Variants in LRRTM4 observed in about 807,000 individuals in gnomAD.
LRRTM4 encodes leucine rich repeat transmembrane neuronal 4, also known as leucine-rich repeat transmembrane neuronal protein 4.
In LRRTM4, 25 loss-of-function variants were observed where a neutral mutation model predicts 47.6. That is an observed-to-expected ratio of 0.53 (90% CI 0.38 to 0.73). LRRTM4 has a LOEUF of 0.73. Ranked by LOEUF, LRRTM4 falls within the 30% of genes least tolerant of loss-of-function variation. The pLI, the probability that LRRTM4 is intolerant of heterozygous loss-of-function variation, is 0.00. For synonymous variants in LRRTM4, 311 were observed against 269.5 expected, an observed-to-expected ratio of 1.15 and a Z score of -1.51; for missense variants, 638 against 713.4, an observed-to-expected ratio of 0.89 and a Z score of 1.20.
At chr2:77,265,272 C>T (rs898770571) in intron 3 of LRRTM4, among the ~76,000 whole-genome samples, 6 of 151,922 alleles carry the variant, frequency 3.9e-5, no homozygotes, top group Non-Finnish European at 8.8e-5. Flanking sequence ...TGAATGTGTC[C>T]CCAAAGTTCG....
At position 77,284,647 on chromosome 2, in the gene LRRTM4, A is replaced by C. The variant is rs191463617; in HGVS notation, c.1551+233671T>G. ...TGCAGGTAATTAAGTAATTTTTCTT[A>C]AGATCAACTAGAAGTTAGTGATGGA... On this transcript the variant is annotated intron_variant, in intron 3 of 3. Transcript: ENST00000409884. 4.0e-3 allele frequency among the ~76,000 whole-genome samples: 609 copies of C among 152,226 alleles called. 3 individuals are homozygous for C. The highest frequency in any genetic ancestry group is 0.014 in the African/African-American group (568 of 41,562).
intron 3 of LRRTM4, chr2:77,009,260 T>TA (rs1350814069): frequency 6.6e-6 from 1 of 152,152 alleles, no homozygotes; most frequent in Non-Finnish European, 1.5e-5. Context: ...CTGTATGATT[T>TA]CAACATTGGC....
chr2:76,800,480 G>C (rs1434746960), intron 3 of LRRTM4, among the ~76,000 whole-genome samples: 2 of 143,940 alleles, frequency 1.4e-5, no homozygotes, highest in African/African-American at 5.3e-5. Flanking sequence ...TTAAACGTTA[G>C]ACCTAAAACC....
At position 77,382,861 on chromosome 2, in the gene LRRTM4, A is replaced by C. The variant is rs908094331; in HGVS notation, c.1551+135457T>G. Among the ~76,000 whole-genome samples the C allele has an allele frequency of 4.6e-5, 7 of 152,094 alleles. No homozygotes were observed. In the East Asian group the frequency reaches 1.3e-3, roughly 29 times the overall value. On this transcript the variant is annotated intron_variant, in intron 3 of 3. Coordinates refer to ENST00000409884, the MANE Select transcript of LRRTM4 (RefSeq NM_001134745.3). ...CTGAAAATGGGCCGGTTGGTGAAGG[A>C]CGAGCCATACGAAAATCCACATCCT... is the stretch of plus-strand genomic sequence containing the variant.
intron 3 of LRRTM4, among the ~76,000 whole-genome samples, chr2:76,795,938 G>A (rs1306765342): frequency 6.6e-6 from 1 of 151,408 alleles, no homozygotes; most frequent in Non-Finnish European, 1.5e-5. Flanking sequence ...CAGACAGTGG[G>A]CGCAGGTCAG....
intron 3 of LRRTM4, among the ~76,000 whole-genome samples, chr2:77,465,197 A>T (rs1309920047): frequency 6.6e-6 from 1 of 152,120 alleles, no homozygotes; most frequent in Non-Finnish European, 1.5e-5. Context: ...TATTCATATA[A>T]TATATAGTAT....
chr2:77,460,641 T>G (rs1245590805), intron 3 of LRRTM4, among the ~76,000 whole-genome samples: 1 of 152,158 alleles, frequency 6.6e-6, no homozygotes, highest in Non-Finnish European at 1.5e-5. Flanking sequence ...ATGAAGTAAT[T>G]TTTTTGAAAT....
intron 3 of LRRTM4, among the ~76,000 whole-genome samples, chr2:77,037,229 G>A (rs1206925785): frequency 6.6e-6 from 1 of 151,636 alleles, no homozygotes; most frequent in Non-Finnish European, 1.5e-5. Context: ...CACGGATCCT[G>A]GTTTTCCAAC....
intron 3 of LRRTM4, among the ~76,000 whole-genome samples, chr2:77,401,463 A>G (rs1673951639): frequency 6.6e-6 from 1 of 151,906 alleles, no homozygotes; most frequent in South Asian, 2.1e-4. Flanking sequence ...ACATTACGGT[A>G]AATATAATTT....
At chr2:77,281,162 C>T (rs979125005) in intron 3 of LRRTM4, among the ~76,000 whole-genome samples, 2 of 151,810 alleles carry the variant, frequency 1.3e-5, no homozygotes, top group Non-Finnish European at 2.9e-5. Context: ...CTAAGATTTC[C>T]GAGTGCCCCT....
rs921956373 is a variant in LRRTM4 at position 77,339,032 on chromosome 2, G to C, written c.1551+179286C>G. Among the ~76,000 whole-genome samples, 6 of 151,798 alleles carry C rather than the reference G, an allele frequency of 4.0e-5. No individual in the cohort carries two copies. The East Asian group carries it at 1.2e-3, about 29-fold the overall frequency. On this transcript the variant is annotated intron_variant, in intron 3 of 3. Coordinates refer to ENST00000409884, the MANE Select transcript of LRRTM4 (RefSeq NM_001134745.3). Reference sequence around the variant, plus strand: ...CCAAATATCGCATGTTCCCATTTATGAGTGGAAGGAAAACTGTAGGTACAA... The same window carrying C: ...CCAAATATCGCATGTTCCCATTTATCAGTGGAAGGAAAACTGTAGGTACAA...
chr2:76,942,099 C>A (rs1472678837), intron 3 of LRRTM4, among the ~76,000 whole-genome samples: 1 of 152,208 alleles, frequency 6.6e-6, no homozygotes, highest in East Asian at 1.9e-4. Context: ...TTGTTGTCCA[C>A]ATAAATATCT....
In LRRTM4 at chr2:77,421,025, G is replaced by C. The variant is rs989395591; in HGVS notation, c.1551+97293C>G. Among the ~76,000 whole-genome samples, 2 of 151,214 alleles carry C rather than the reference G, an allele frequency of 1.3e-5. 1 individual carries two copies. The highest frequency in any genetic ancestry group is 6.3e-3 in the Middle Eastern group (2 of 316). On this transcript the variant is annotated intron_variant, in intron 3 of 3. Coordinates refer to ENST00000409884, the MANE Select transcript of LRRTM4 (RefSeq NM_001134745.3). ...CCTGGGCAGAAAATATAAAAAATTA[G>C]CTTGAAAGAACTTGGTATAGCAGGA... is the stretch of plus-strand genomic sequence containing the variant.
chr2:77,048,902 C>T (rs766863663), intron 3 of LRRTM4, among the ~76,000 whole-genome samples: 1 of 151,346 alleles, frequency 6.6e-6, no homozygotes, highest in Admixed American at 6.6e-5. Context: ...CTTTAACCAA[C>T]CTCTGGCTAT....
chr2:77,438,949 T>C (rs917386369), intron 3 of LRRTM4, among the ~76,000 whole-genome samples: 2 of 152,174 alleles, frequency 1.3e-5, no homozygotes, highest in Non-Finnish European at 2.9e-5. Context: ...GCAATTGAAC[T>C]ATACTTAACA....
intron 3 of LRRTM4, among the ~76,000 whole-genome samples, chr2:76,876,593 T>C (rs10520168): frequency 0.23 from 35,341 of 151,946 alleles, 5,137 homozygotes; most frequent in East Asian, 0.48. Context: ...GGGTCTATTT[T>C]GTTAACAGAT....
chr2:77,259,729 A>G (rs1203258584), intron 3 of LRRTM4, among the ~76,000 whole-genome samples: 1 of 152,048 alleles, frequency 6.6e-6, no homozygotes, highest in African/African-American at 2.4e-5. Flanking sequence ...AATGGAGAAA[A>G]ATGAGCTAAG....
At chr2:76,867,454 C>T (rs932137900) in intron 3 of LRRTM4, among the ~76,000 whole-genome samples, 1 of 152,208 alleles carries the variant, frequency 6.6e-6, no homozygotes, top group Admixed American at 6.5e-5. Flanking sequence ...ATGGAAATAT[C>T]TTTGCTGTTT....
intron 3 of LRRTM4, among the ~76,000 whole-genome samples, chr2:76,778,922 A>C (rs1674188859): frequency 6.6e-6 from 1 of 151,308 alleles, no homozygotes; most frequent in Non-Finnish European, 1.5e-5. Context: ...CCCTTTACAC[A>C]CTGCTTTGAA....
Sources: allele counts gnomAD v4.1 joint callset (sites outside exome capture counted in the v4.1 genomes callset), GRCh38; gene constraint gnomAD v4.1.1; transcripts MANE v1.5; gene names NCBI Gene and HGNC (gene_info 2026-07-23, HGNC 2026-07-21).